Variants in KTI12 observed in about 807,000 individuals in gnomAD.
The protein encoded by KTI12 is protein KTI12 homolog.
In KTI12, 8 loss-of-function variants were observed where a neutral mutation model predicts 8.8. The ratio of observed to expected loss-of-function variants is 0.91; its 90% CI spans 0.53 to 1.64. KTI12 has a LOEUF of 1.64. KTI12 is among the 40% of genes most tolerant of loss of function. The pLI is 0.00. For synonymous variants in KTI12, 216 were observed against 220.1 expected (o/e 0.98, Z 0.17); for missense variants, 490 against 492.1 (o/e 1.00, Z 0.04).
chr1:52,032,166 AAAAC>A lies in KTI12; in HGVS notation c.*527_*530del, dbSNP rs1462241594. The A allele has an allele frequency of 4.1e-6, 4 of 983,318 alleles. No individual in the cohort carries two copies. The highest frequency in any genetic ancestry group is 4.8e-6 in the Non-Finnish European group (4 of 828,104). 60.9% of individuals were successfully genotyped at this position (983,318 alleles called of 1,614,324 possible). On this transcript the variant is annotated 3_prime_UTR_variant, in exon 1 of 1. Coordinates refer to ENST00000371614, the MANE Select transcript of KTI12 (RefSeq NM_138417.3). Reference sequence around the variant, plus strand: ...AGTAGATAACTTTCTTACTTCCACAAAAACAAAGTTTCTCAAGGATACAAACCAA... The same window carrying A: ...AGTAGATAACTTTCTTACTTCCACAAAAAGTTTCTCAAGGATACAAACCAA...
chr1:52,033,625 G>A lies in KTI12; in HGVS notation c.137C>T (p.Pro46Leu), dbSNP rs545753698. The A allele has an allele frequency of 1.8e-5, 29 of 1,612,286 alleles. No individual in the cohort carries two copies. In the South Asian group the frequency reaches 2.2e-4, roughly 12 times the overall value. The change falls in exon 1 of 1, where the codon CCA (proline) becomes CTA (leucine). Residue 46 changes from proline (P) to leucine (L), a missense_variant. Coordinates refer to ENST00000371614, the MANE Select transcript of KTI12 (RefSeq NM_138417.3). ...ACGGGCAGAATCGCCGTACACCGCT[G>A]GGTCCTCTGCGCCCAGGACAGCTGC... Reference protein sequence around the residue: ...DDAAVLGAEDPAVYGDSAREK... With the variant: ...DDAAVLGAEDLAVYGDSAREK...
chr1:52,033,376 TTCC>T lies in KTI12; in HGVS notation c.383_385del (p.Arg128_Asn129delinsHis). On this transcript the variant is annotated inframe_deletion, in exon 1 of 1. Transcript: ENST00000371614. ...GCGTGGCCGCCAACTCACACTGACG[TTCC>T]GGCCAGGGTTCTCGTTCGCGCCCGC... The T allele has an allele frequency of 6.2e-7, 1 of 1,613,570 alleles. No homozygotes were observed. Among genetic ancestry groups the T allele is most frequent in the African/African-American group, 1.3e-5 (1 of 75,032 alleles).
chr1:52,032,699 A>T lies in KTI12; in HGVS notation c.1063T>A (p.Ter355ArgextTer40). 6.3e-7 allele frequency: 1 copy of T among 1,596,638 alleles called. No individual in the cohort carries two copies. The highest frequency in any genetic ancestry group is 8.5e-7 in the Non-Finnish European group (1 of 1,171,098). ...GGCTTCCCCCCTACCTCCTCTGGTC[A>T]GTGCAGGCTCTGGCTCAAATACTGA... Reference protein sequence around the residue: ...FLQYLSQSLH* With the variant: ...FLQYLSQSLHR The change falls in exon 1 of 1, where the codon TGA becomes AGA. Residue 355 changes from the stop codon to arginine, a stop_lost. Transcript: ENST00000371614.
In KTI12 at chr1:52,033,227, ATTC is replaced by A. The variant is rs1382894780; in HGVS notation, c.532_534del (p.Glu178del). ...AGAGCTGGAGACTCCGCAGCCCCGG[ATTC>A]TTCTCGCTCCAGTTCCTTGGGTACG... On this transcript the variant is annotated inframe_deletion, in exon 1 of 1. Transcript: ENST00000371614. 1 of 1,614,000 alleles carries A rather than the reference ATTC, an allele frequency of 6.2e-7. No homozygotes were observed. The highest frequency in any genetic ancestry group is 8.5e-7 in the Non-Finnish European group (1 of 1,180,032).
Position 52,032,407 on chromosome 1 carries a change from G to C in KTI12, c.*290C>G, listed in dbSNP as rs1685778583. ...GAGGGAAGCCAATGGTCAATGCTCTGTGATAGCCCAAGTAGGATCCAATCT... is the reference window on the plus strand; with the variant it reads ...GAGGGAAGCCAATGGTCAATGCTCTCTGATAGCCCAAGTAGGATCCAATCT... On this transcript the variant is annotated 3_prime_UTR_variant, in exon 1 of 1. Coordinates refer to ENST00000371614, the MANE Select transcript of KTI12 (RefSeq NM_138417.3). 1 of 1,166,384 alleles carries C rather than the reference G, an allele frequency of 8.6e-7. No homozygotes were observed. Among genetic ancestry groups the C allele is most frequent in the Non-Finnish European group, 1.1e-6 (1 of 944,064 alleles). The allele number at this position is 1,166,384 out of a possible 1,614,324, so 72.3% of individuals were successfully genotyped here.
Position 52,032,272 on chromosome 1 carries a change from G to T in KTI12, c.*425C>A. 1 of 991,908 alleles carries T rather than the reference G, an allele frequency of 1.0e-6. No homozygotes were observed. Among genetic ancestry groups the T allele is most frequent in the Non-Finnish European group, 1.2e-6 (1 of 834,480 alleles). 61.4% of individuals were successfully genotyped at this position (991,908 alleles called of 1,614,324 possible). On this transcript the variant is annotated 3_prime_UTR_variant, in exon 1 of 1. Coordinates refer to ENST00000371614, the MANE Select transcript of KTI12 (RefSeq NM_138417.3). ...ACAGTACTCAAAAAATACTTTTGTG[G>T]TATGAAAAAAGGGCAGGTGCAGATG...
rs1242032235 is a variant in KTI12, at chr1:52,032,690, C to CATTAAAAAA, written c.*6_*7insTTTTTTAAT. ...AGAAGCCATGGCTTCCCCCCTACCT[C>CATTAAAAAA]CTCTGGTCAGTGCAGGCTCTGGCTC... is the stretch of plus-strand genomic sequence containing the variant. On this transcript the variant is annotated 3_prime_UTR_variant, in exon 1 of 1. Coordinates refer to ENST00000371614, the MANE Select transcript of KTI12 (RefSeq NM_138417.3). 3.2e-6 allele frequency: 5 copies of CATTAAAAAA among 1,586,642 alleles called. No homozygotes were observed. The Admixed American group carries it at 5.4e-5, about 17-fold the overall frequency.
Position 52,033,371 on chromosome 1 carries a change from T to G in KTI12, c.391A>C (p.Ser131Arg). Residue 131 changes from serine (S) to arginine (R), a missense_variant, in exon 1 of 1, where the codon AGT (serine) becomes CGT (arginine). Ser to Arg is a moderately radical substitution (Grantham distance 110, BLOSUM62 -1). Coordinates refer to ENST00000371614, the MANE Select transcript of KTI12 (RefSeq NM_138417.3). ...TCAGCGCGTGGCCGCCAACTCACAC[T>G]GACGTTCCGGCCAGGGTTCTCGTTC... ...GANENPGRNV[S>R]VSWRPRAEED... The G allele has an allele frequency of 6.2e-7, 1 of 1,613,634 alleles. No homozygotes were observed. Among genetic ancestry groups the G allele is most frequent in the Non-Finnish European group, 8.5e-7 (1 of 1,179,988 alleles).
chr1:52,032,986 G>C lies in KTI12; in HGVS notation c.776C>G (p.Ser259Cys), dbSNP rs757324544. The C allele has an allele frequency of 6.4e-7, 1 of 1,567,200 alleles. No homozygotes were observed. Among genetic ancestry groups the C allele is most frequent in the South Asian group, 1.2e-5 (1 of 82,368 alleles). Reference protein sequence around the residue: ...FENRAPPPHQSTQSQPLASGS... With the variant: ...FENRAPPPHQCTQSQPLASGS... ...GGAGGCGAGGGGCTGGGACTGCGTAGACTGATGGGGTGGTGGGGCCCGGTT... is the reference window on the plus strand; with the variant it reads ...GGAGGCGAGGGGCTGGGACTGCGTACACTGATGGGGTGGTGGGGCCCGGTT... The change falls in exon 1 of 1, where the codon TCT (serine) becomes TGT (cysteine). Residue 259 changes from serine (S) to cysteine (C), a missense_variant. Physicochemically the swap from Ser to Cys is moderately radical, Grantham distance 112. Coordinates refer to ENST00000371614, the MANE Select transcript of KTI12 (RefSeq NM_138417.3).
chr1:52,032,949 C>T lies in KTI12; in HGVS notation c.813G>A (p.Leu271=). Residue 271 remains leucine (L), a synonymous_variant, in exon 1 of 1, where the codon CTG becomes CTA. Coordinates refer to ENST00000371614, the MANE Select transcript of KTI12 (RefSeq NM_138417.3). ...GACTCGTGACCTGGTCCAACTGGTG[C>T]AGAAAGCTGCCGGAGGCGAGGGGCT... ...QSQPLASGSF[L]HQLDQVTSQV... is the part of the protein sequence containing the mutation. The T allele has an allele frequency of 6.3e-7, 1 of 1,591,440 alleles. No homozygotes were observed. The highest frequency in any genetic ancestry group is 1.3e-5 in the African/African-American group (1 of 74,162).
rs1272359329 is a variant in KTI12 at position 52,033,117 on chromosome 1, G to A, written c.645C>T (p.Arg215=). Residue 215 remains arginine, a synonymous_variant, in exon 1 of 1, where the codon CGC becomes CGT. Coordinates refer to ENST00000371614, the MANE Select transcript of KTI12 (RefSeq NM_138417.3). ...GATTCCGAGAATCGGGAGCCTCAAA[G>A]CGCAGCGTTAGGGCCTCCAGGAGTT... The part of the protein sequence containing the change: ...SPELLEALTL[R]FEAPDSRNRW... 1 of 1,613,464 alleles carries A rather than the reference G, an allele frequency of 6.2e-7. No individual in the cohort carries two copies. Among genetic ancestry groups the A allele is most frequent in the South Asian group, 1.1e-5 (1 of 91,058 alleles).
rs764514804 is a variant in KTI12, at chr1:52,032,892, C to T, written c.870G>A (p.Lys290=). The change falls in exon 1 of 1, where the codon AAG becomes AAA. Residue 290 remains lysine (K), a synonymous_variant. Transcript: ENST00000371614. ...TGAGCAAGTCCCCGGGGACAGCGCT[C>T]TTCTGCGCTTCCATCAATCCGGCCA... ...QVLAGLMEAQ[K]SAVPGDLLTL... 9 of 1,613,192 alleles carry T rather than the reference C, an allele frequency of 5.6e-6. No individual in the cohort carries two copies. Among genetic ancestry groups the T allele is most frequent in the Non-Finnish European group, 6.8e-6 (8 of 1,179,664 alleles).
In KTI12 at chr1:52,033,779, A is replaced by G. The variant is rs746144140; in HGVS notation, c.-18T>C. 3.2e-6 allele frequency: 5 copies of G among 1,555,424 alleles called. No individual in the cohort carries two copies. The highest frequency in any genetic ancestry group is 1.2e-5 in the South Asian group (1 of 83,270). Reference sequence around the variant, plus strand: ...AGCGGCATCCTCTCAGGGAGCGACCATTGGCAACCGCGCTGCGCCAACTTC... The same window carrying G: ...AGCGGCATCCTCTCAGGGAGCGACCGTTGGCAACCGCGCTGCGCCAACTTC... On this transcript the variant is annotated 5_prime_UTR_variant, in exon 1 of 1. The change abolishes an upstream ATG in the 5' untranslated region. Coordinates refer to ENST00000371614, the MANE Select transcript of KTI12 (RefSeq NM_138417.3).
rs1557993399 is a variant in KTI12, at chr1:52,033,402, CG to C, written c.359del (p.Ala120GlyfsTer13). On this transcript the variant is annotated frameshift_variant, in exon 1 of 1. Coordinates refer to ENST00000371614, the MANE Select transcript of KTI12 (RefSeq NM_138417.3). LOFTEE classifies it low-confidence loss of function (END_TRUNC). Reference protein sequence around the residue: ...PGGPIAGPQVAGANENPGRNV... With the variant: ...PGGPIAGPQVXGANENPGRNV... The stretch of plus-strand genomic sequence containing the variant: ...TCCGGCCAGGGTTCTCGTTCGCGCC[CG>C]CCACCTGAGGTCCCGCGATCGGGCC... The C allele has an allele frequency of 6.9e-7, 1 of 1,451,450 alleles. No individual in the cohort carries two copies. Among genetic ancestry groups the C allele is most frequent in the South Asian group, 1.3e-5 (1 of 78,850 alleles). The allele number at this position is 1,451,450 out of a possible 1,614,324, so 89.9% of individuals were successfully genotyped here.
chr1:52,032,597 T>C lies in KTI12; in HGVS notation c.*100A>G. The stretch of plus-strand genomic sequence containing the variant: ...ATCAGTCACAACAGCTCTAGTACAG[T>C]ACTGCATCGATATGCTCTGGAGACC... On this transcript the variant is annotated 3_prime_UTR_variant, in exon 1 of 1. Coordinates refer to ENST00000371614, the MANE Select transcript of KTI12 (RefSeq NM_138417.3). The C allele has an allele frequency of 6.7e-7, 1 of 1,493,190 alleles. No individual in the cohort carries two copies. Among genetic ancestry groups the C allele is most frequent in the Non-Finnish European group, 8.9e-7 (1 of 1,125,814 alleles). 92.5% of individuals were successfully genotyped at this position (1,493,190 alleles called of 1,614,324 possible).
rs762703904 is a variant in KTI12 at position 52,033,042 on chromosome 1, G to C, written c.720C>G (p.Pro240=). The change falls in exon 1 of 1, where the codon CCC becomes CCG. Residue 240 remains proline (P), a synonymous_variant. Transcript: ENST00000371614. ...FTLVGLEEPL[P]LAGIRSALFE... ...ACAGGGCAGAGCGGATCCCCGCCAG[G>C]GGCAACGGCTCCTCTAGGCCCACCA... 1 of 1,578,770 alleles carries C rather than the reference G, an allele frequency of 6.3e-7. No homozygotes were observed. The highest frequency in any genetic ancestry group is 1.2e-5 in the South Asian group (1 of 84,924).
rs1160368345 is a variant in KTI12 at position 52,032,972 on chromosome 1, G to T, written c.790C>A (p.Pro264Thr). 3.8e-6 allele frequency: 6 copies of T among 1,581,378 alleles called. No individual in the cohort carries two copies. The highest frequency in any genetic ancestry group is 3.6e-5 in the Admixed American group (2 of 55,786). Residue 264 changes from proline to threonine, a missense_variant, in exon 1 of 1, where the codon CCC (proline) becomes ACC (threonine). Transcript: ENST00000371614. ...PPPHQSTQSQ[P>T]LASGSFLHQL... ...TGCAGAAAGCTGCCGGAGGCGAGGGGCTGGGACTGCGTAGACTGATGGGGT... is the reference window on the plus strand; with the variant it reads ...TGCAGAAAGCTGCCGGAGGCGAGGGTCTGGGACTGCGTAGACTGATGGGGT...
chr1:52,033,787 C>T lies in KTI12; in HGVS notation c.-26G>A, dbSNP rs114190370. The T allele has an allele frequency of 9.7e-6, 15 of 1,540,622 alleles. No individual in the cohort carries two copies. The highest frequency in any genetic ancestry group is 1.3e-5 in the Non-Finnish European group (15 of 1,142,534). ...CCTCTCAGGGAGCGACCATTGGCAA[C>T]CGCGCTGCGCCAACTTCCGGGTTGT... On this transcript the variant is annotated 5_prime_UTR_variant, in exon 1 of 1. Transcript: ENST00000371614.
At position 52,033,501 on chromosome 1, in the gene KTI12, G is replaced by C; in HGVS notation, c.261C>G (p.Phe87Leu). Residue 87 changes from phenylalanine (F) to leucine (L), a missense_variant, in exon 1 of 1, where the codon TTC becomes TTG. Physicochemically the swap from Phe to Leu is conservative, Grantham distance 22. Coordinates refer to ENST00000371614, the MANE Select transcript of KTI12 (RefSeq NM_138417.3). ...ILDSLNYIKGFRYELYCLARA... is the reference protein window; with the variant it reads ...ILDSLNYIKGLRYELYCLARA... ...GTGCCAGGCAGTAGAGCTCGTAACGGAAACCTTTGATGTAGTTAAGCGAGT... is the reference window on the plus strand; with the variant it reads ...GTGCCAGGCAGTAGAGCTCGTAACGCAAACCTTTGATGTAGTTAAGCGAGT... 1 of 1,613,934 alleles carries C rather than the reference G, an allele frequency of 6.2e-7. No individual in the cohort carries two copies. Among genetic ancestry groups the C allele is most frequent in the Non-Finnish European group, 8.5e-7 (1 of 1,179,916 alleles).
Sources: gnomAD v4.1 joint callset for allele counts on GRCh38, gnomAD v4.1.1 for gene constraint, MANE v1.5 for transcripts, NCBI Gene and HGNC (gene_info 2026-07-23, HGNC 2026-07-21) for gene names.